Variants in SHISAL1 observed in about 807,000 individuals in gnomAD.
SHISAL1 encodes the protein shisa like 1, also known as protein shisa-like-1.
Under a neutral mutation model 22.6 loss-of-function variants are expected in SHISAL1, and 9 were observed. The ratio of observed to expected loss-of-function variants is 0.40; its 90% CI spans 0.24 to 0.70. SHISAL1 has a LOEUF of 0.70. SHISAL1 is among the 30% of genes least tolerant of loss of function. The pLI, the probability that SHISAL1 is intolerant of heterozygous loss-of-function variation, is 0.39. For missense variants in SHISAL1, 246 were observed against 270.6 expected (o/e 0.91, Z 0.64); for synonymous variants, 119 against 115.4 (o/e 1.03, Z -0.20).
the SHISAL1 span, among the ~76,000 whole-genome samples, chr22:44,319,389 T>C: frequency 1.3e-5 from 2 of 152,208 alleles, no homozygotes; most frequent in Admixed American, 6.5e-5. Context: ...AAGTTCTTTC[T>C]AGGACTCAGG....
chr22:44,266,734 G>A (rs1331124797), intron 4 of SHISAL1, among the ~76,000 whole-genome samples: 4 of 152,014 alleles, frequency 2.6e-5, no homozygotes, highest in Admixed American at 6.6e-5. Flanking sequence ...CGCCACTGGC[G>A]AGGTGGTGCA....
intron 1 of SHISAL1, among the ~76,000 whole-genome samples, chr22:44,301,714 A>G (rs1215916027): frequency 2.0e-5 from 3 of 152,110 alleles, no homozygotes; most frequent in African/African-American, 7.2e-5. Context: ...AATGCACATT[A>G]CTCTCCCAAA....
intron 1 of SHISAL1, among the ~76,000 whole-genome samples, chr22:44,302,318 C>T (rs530543095): frequency 2.2e-3 from 263 of 122,282 alleles, no homozygotes; most frequent in Middle Eastern, 5.9e-3. Flanking sequence ...CCAGCCTGGG[C>T]GACAGAGCGA....
At position 44,267,570 on chromosome 22, in the gene SHISAL1, C is replaced by T. The variant is rs549317008; in HGVS notation, c.599+17858G>A. 6.2e-4 allele frequency among the ~76,000 whole-genome samples: 94 copies of T among 152,250 alleles called. 2 individuals carry two copies. The highest frequency in any genetic ancestry group is 4.1e-3 in the South Asian group (20 of 4,822). On this transcript the variant is annotated intron_variant, in intron 4 of 4. Coordinates refer to ENST00000381176, the MANE Select transcript of SHISAL1 (RefSeq NM_001099294.2). ...CCAGCTGCCTTCCCAAAGGCAAATG[C>T]GTCCTGTCACTCTCCTCGAGGGCAC...
intron 3 of SHISAL1, among the ~76,000 whole-genome samples, chr22:44,287,978 G>A (rs922722320): frequency 6.6e-6 from 1 of 152,224 alleles, no homozygotes; most frequent in Non-Finnish European, 1.5e-5. Flanking sequence ...TGCAGATGCT[G>A]TCCGCAGAAG....
chr22:44,323,273 C>A, the SHISAL1 span, among the ~76,000 whole-genome samples: 7 of 149,908 alleles, frequency 4.7e-5, no homozygotes, highest in Admixed American at 4.6e-4. Context: ...ATCCATCCAT[C>A]CATCCATCCA....
intron 4 of SHISAL1, among the ~76,000 whole-genome samples, chr22:44,283,201 TG>T (rs1279066571): frequency 6.6e-6 from 1 of 152,208 alleles, no homozygotes; most frequent in Non-Finnish European, 1.5e-5. Context: ...CACACCTTTG[TG>T]GGTTCTGACA....
intron 4 of SHISAL1, among the ~76,000 whole-genome samples, chr22:44,282,703 G>A (rs948428237): frequency 6.6e-6 from 1 of 152,222 alleles, no homozygotes; most frequent in Non-Finnish European, 1.5e-5. Flanking sequence ...ATTTTGAAGA[G>A]CAGCGGCACT....
chr22:44,279,074 C>T (rs1290817934), intron 4 of SHISAL1, among the ~76,000 whole-genome samples: 2 of 152,198 alleles, frequency 1.3e-5, no homozygotes, highest in Non-Finnish European at 2.9e-5. Flanking sequence ...TGGTTCTGAG[C>T]CTTTCTGTCA....
In SHISAL1 at chr22:44,245,272, A is replaced by T. The variant is rs2054989374; in HGVS notation, c.*4413T>A. The stretch of plus-strand genomic sequence containing the variant: ...TAGGGGGCCCTTCAACATTGATAAG[A>T]CATGTTCCCAATAACTCCATCCAGG... On this transcript the variant is annotated 3_prime_UTR_variant, in exon 5 of 5. Coordinates refer to ENST00000381176, the MANE Select transcript of SHISAL1 (RefSeq NM_001099294.2). The T allele has an allele frequency of 6.6e-6, 1 of 152,244 alleles. No individual in the cohort carries two copies. Among genetic ancestry groups the T allele is most frequent in the Non-Finnish European group, 1.5e-5 (1 of 68,080 alleles). The allele number at this position is 152,244 out of a possible 1,614,324, so 9.4% of individuals were successfully genotyped here. A position where few individuals can be genotyped will look rare whatever the true frequency, so the allele number is the denominator to read the frequency against.
intron 1 of SHISAL1, among the ~76,000 whole-genome samples, chr22:44,306,892 T>A (rs1157725010): frequency 6.8e-6 from 1 of 147,526 alleles, no homozygotes; most frequent in African/African-American, 2.6e-5. Context: ...CGGGGAGGTG[T>A]GATGATGATG....
chr22:44,274,389 C>T (rs1264647395), intron 4 of SHISAL1, among the ~76,000 whole-genome samples: 1 of 152,090 alleles, frequency 6.6e-6, no homozygotes, highest in African/African-American at 2.4e-5. Flanking sequence ...TAAAACTGTC[C>T]ACCCCCTGGA....
intron 4 of SHISAL1, among the ~76,000 whole-genome samples, chr22:44,281,487 G>A (rs888830440): frequency 1.1e-4 from 17 of 152,062 alleles, no homozygotes; most frequent in African/African-American, 2.2e-4. Flanking sequence ...GCCTCCTGCC[G>A]CGCTGTGAAC....
chr22:44,300,216 C>A (rs2055418695), intron 2 of SHISAL1, among the ~76,000 whole-genome samples: 1 of 151,766 alleles, frequency 6.6e-6, no homozygotes, highest in South Asian at 2.1e-4. Flanking sequence ...GAGACAGAGA[C>A]AGACAGAAAG....
At chr22:44,274,286 T>G (rs1250457910) in intron 4 of SHISAL1, among the ~76,000 whole-genome samples, 7 of 152,076 alleles carry the variant, frequency 4.6e-5, no homozygotes, top group African/African-American at 1.7e-4. Flanking sequence ...GGGCACCCCA[T>G]GCTGGAGAGG....
At chr22:44,322,986 TCATC>T in the SHISAL1 span, among the ~76,000 whole-genome samples, 1 of 129,526 alleles carries the variant, frequency 7.7e-6, no homozygotes, top group Non-Finnish European at 1.6e-5. Context: ...ACCCACCCAT[TCATC>T]CATCCATCCA....
intron 4 of SHISAL1, among the ~76,000 whole-genome samples, chr22:44,255,434 G>GC (rs1371889924): frequency 2.0e-5 from 3 of 152,104 alleles, no homozygotes; most frequent in Admixed American, 2.0e-4. Context: ...ACTCCATCCT[G>GC]CCAGTTGCTC....
rs547735004 is a variant in SHISAL1 at position 44,312,880 on chromosome 22, T to C, written c.-162A>G. The C allele has an allele frequency of 2.0e-5, 3 of 152,432 alleles. No homozygotes were observed. Among genetic ancestry groups the C allele is most frequent in the African/African-American group, 7.2e-5 (3 of 41,586 alleles). The allele number at this position is 152,432 out of a possible 1,614,324, so 9.4% of individuals were successfully genotyped here. ...CCCCAATAAAAGGAGAGCAACTTGG[T>C]CGAGCCTTGTATAGGCAAAAGAGTG... On this transcript the variant is annotated 5_prime_UTR_variant, in exon 1 of 5. Transcript: ENST00000381176.
intron 2 of SHISAL1, among the ~76,000 whole-genome samples, chr22:44,298,283 G>A (rs367641327): frequency 1.3e-5 from 2 of 152,234 alleles, no homozygotes; most frequent in African/African-American, 4.8e-5. Context: ...CCATCGTACA[G>A]GGGAGAAAAC....
Sources: gnomAD v4.1 joint callset for allele counts (sites outside exome capture counted in the v4.1 genomes callset) on GRCh38, gnomAD v4.1.1 for gene constraint, MANE v1.5 for transcripts, NCBI Gene and HGNC (gene_info 2026-07-23, HGNC 2026-07-21) for gene names.